Variants in ANKRD30B observed in about 807,000 individuals in gnomAD.
ANKRD30B encodes the protein ankyrin repeat domain 30B.
In ANKRD30B, 144 loss-of-function variants were observed where a neutral mutation model predicts 202.2. The ratio of observed to expected loss-of-function variants is 0.71; its 90% CI spans 0.62 to 0.82. The LOEUF is 0.82. Ranked by LOEUF, ANKRD30B falls within the 40% of genes least tolerant of loss-of-function variation. The pLI, the probability that ANKRD30B is intolerant of heterozygous loss-of-function variation, is 0.00. For synonymous variants in ANKRD30B, 508 were observed against 561.3 expected (o/e 0.91, Z 1.34); for missense variants, 1,487 against 1,669.1 (o/e 0.89, Z 1.90).
chr18:14,898,790 T>A, the ANKRD30B span, among the ~76,000 whole-genome samples: 1 of 152,160 alleles, frequency 6.6e-6, no homozygotes, highest in South Asian at 2.1e-4. Context: ...TGTGAATATA[T>A]CCTCTGAAGC....
the ANKRD30B span, among the ~76,000 whole-genome samples, chr18:14,940,681 T>A: frequency 5.3e-5 from 8 of 152,276 alleles, no homozygotes; most frequent in African/African-American, 1.9e-4. Context: ...GAGAGAAAAC[T>A]CTCCTGACGG....
chr18:14,772,157 C>A lies in ANKRD30B; in HGVS notation c.1258C>A (p.Leu420Ile). The part of the protein sequence containing the change: ...DVSSVEPIFS[L>I]FGTRTIENSQ... ...ATGTTGTATCATTTTTCTTTAAAGT[C>A]TTTTTGGCACACGGACTATTGAAAA... Residue 420 changes from leucine to isoleucine, a missense_variant and splice_region_variant, in exon 9 of 44, where the codon CTT becomes ATT. Coordinates refer to ENST00000690538, the MANE Select transcript of ANKRD30B (RefSeq NM_001367607.2). The A allele has an allele frequency of 6.7e-7, 1 of 1,490,524 alleles. No individual in the cohort carries two copies. Among genetic ancestry groups the A allele is most frequent in the Non-Finnish European group, 9.0e-7 (1 of 1,112,406 alleles). 92.3% of individuals were successfully genotyped at this position (1,490,524 alleles called of 1,614,324 possible). A position where few individuals can be genotyped will look rare whatever the true frequency, so the allele number is the denominator to read the frequency against.
chr18:14,871,997 C>T, the ANKRD30B span, among the ~76,000 whole-genome samples: 3 of 152,096 alleles, frequency 2.0e-5, no homozygotes, highest in Non-Finnish European at 4.4e-5. Context: ...GCCTCTCCCA[C>T]ACACTATTTG....
chr18:14,848,335 C>G (rs1463343320), intron 39 of ANKRD30B, among the ~76,000 whole-genome samples: 2 of 152,130 alleles, frequency 1.3e-5, no homozygotes, highest in Admixed American at 6.6e-5. Flanking sequence ...ATGCCACACA[C>G]TGGCTAAAAT....
At chr18:14,749,622 G>T (rs994523398) in intron 1 of ANKRD30B, among the ~76,000 whole-genome samples, 1 of 130,486 alleles carries the variant, frequency 7.7e-6, no homozygotes, top group Non-Finnish European at 1.6e-5. Flanking sequence ...AGTGAGCCGA[G>T]ATCCCACCAT....
At chr18:14,922,843 A>G in the ANKRD30B span, among the ~76,000 whole-genome samples, 3,032 of 152,216 alleles carry the variant, frequency 0.02, 102 homozygotes, top group African/African-American at 0.069. Context: ...AGATCAGCTC[A>G]CAGCAACAAA....
In ANKRD30B at chr18:14,851,933, T is replaced by A. The variant is rs1971900530; in HGVS notation, c.3989T>A (p.Leu1330Ter). Residue 1330 changes from leucine to a stop codon, truncating the protein, a stop_gained, in exon 42 of 44, where the codon TTG becomes TAG. Coordinates refer to ENST00000690538, the MANE Select transcript of ANKRD30B (RefSeq NM_001367607.2). LOFTEE classifies it high-confidence loss of function. ...LAFHSAGDAP[L>*]QGIMNVDVSN... is the part of the protein sequence containing the mutation. Reference sequence around the variant, plus strand: ...TTCCACAGTGCAGGAGATGCTCCTTTGCAAGGAATAATGAATGTTGATGTG... The same window carrying A: ...TTCCACAGTGCAGGAGATGCTCCTTAGCAAGGAATAATGAATGTTGATGTG... 2 of 1,604,962 alleles carry A rather than the reference T, an allele frequency of 1.2e-6. No homozygotes were observed. Among genetic ancestry groups the A allele is most frequent in the Non-Finnish European group, 1.7e-6 (2 of 1,174,812 alleles).
chr18:14,780,019 G>A lies in ANKRD30B; in HGVS notation c.1480G>A (p.Gly494Arg). 1.9e-6 allele frequency: 3 copies of A among 1,602,646 alleles called. No individual in the cohort carries two copies. The highest frequency in any genetic ancestry group is 2.6e-6 in the Non-Finnish European group (3 of 1,171,984). ...AGATGAAGAATATTCTTGGGATTCT[G>A]GGGTATTGTGTATTATTGCTGTTAT... ...EEDEEYSWDS[G>R]SLFESSAKTQ... Residue 494 changes from glycine (G) to arginine (R), a missense_variant and splice_region_variant, in exon 11 of 44, where the codon GGG (glycine) becomes AGG (arginine). By Grantham distance (125) the Gly-to-Arg change is moderately radical (BLOSUM62 -2). Coordinates refer to ENST00000690538, the MANE Select transcript of ANKRD30B (RefSeq NM_001367607.2).
At chr18:14,856,143 C>T (rs547293785), downstream of ANKRD30B, among the ~76,000 whole-genome samples, 1 of 145,404 alleles carries the variant, frequency 6.9e-6, no homozygotes, top group Non-Finnish European at 1.5e-5. Flanking sequence ...GTGCTCCTCA[C>T]TTCCCAGATG....
At chr18:14,760,412 A>G in intron 5 of ANKRD30B, 142 bp from the exon 6 acceptor site, 1 of 527,518 alleles carries the variant, frequency 1.9e-6, no homozygotes, top group Non-Finnish European at 3.4e-6. Flanking sequence ...TAGAGCTTAC[A>G]AACTTAAAGT....
At chr18:14,789,668 T>C (rs1968330970) in intron 15 of ANKRD30B, among the ~76,000 whole-genome samples, 1 of 152,206 alleles carries the variant, frequency 6.6e-6, no homozygotes, top group Non-Finnish European at 1.5e-5. Flanking sequence ...CATTGCTTGT[T>C]TTTCTCAGGT....
At chr18:14,824,351 T>C (rs1456426925) in intron 32 of ANKRD30B, among the ~76,000 whole-genome samples, 1 of 152,176 alleles carries the variant, frequency 6.6e-6, no homozygotes, top group African/African-American at 2.4e-5. Flanking sequence ...CTGGAATGCA[T>C]TTTAAATATT....
the ANKRD30B span, among the ~76,000 whole-genome samples, chr18:14,860,644 T>A: frequency 6.6e-6 from 1 of 151,144 alleles, no homozygotes; most frequent in African/African-American, 2.4e-5. Flanking sequence ...GCAGAAACCC[T>A]GCAACCTAGA....
At chr18:14,894,381 G>C in the ANKRD30B span, among the ~76,000 whole-genome samples, 1 of 152,008 alleles carries the variant, frequency 6.6e-6, no homozygotes, top group Admixed American at 6.5e-5. Context: ...TAACTTTTCT[G>C]TTTTAAAAAT....
chr18:14,777,674 G>A (rs1456255343), intron 9 of ANKRD30B, among the ~76,000 whole-genome samples: 1 of 151,550 alleles, frequency 6.6e-6, no homozygotes, highest in Non-Finnish European at 1.5e-5. Context: ...TTATTGATGT[G>A]GCTCAAGCCA....
At chr18:14,890,665 A>T in the ANKRD30B span, among the ~76,000 whole-genome samples, 1 of 148,462 alleles carries the variant, frequency 6.7e-6, no homozygotes, top group Admixed American at 6.8e-5. Flanking sequence ...TTATCTTAAA[A>T]ATTATGGCTA....
chr18:14,897,264 T>C, the ANKRD30B span, among the ~76,000 whole-genome samples: 1 of 152,178 alleles, frequency 6.6e-6, no homozygotes, highest in Non-Finnish European at 1.5e-5. Flanking sequence ...TCAAGGGTCT[T>C]GAACCTCCCA....
At chr18:14,937,955 A>G in the ANKRD30B span, among the ~76,000 whole-genome samples, 17 of 152,320 alleles carry the variant, frequency 1.1e-4, no homozygotes, top group South Asian at 3.3e-3. Context: ...CCTCCCATCA[A>G]ACAAGGATAT....
At chr18:14,853,307 T>C (rs570191795) in intron 42 of ANKRD30B, among the ~76,000 whole-genome samples, 4 of 151,940 alleles carry the variant, frequency 2.6e-5, no homozygotes, top group East Asian at 3.9e-4. Context: ...ACAAAAGAAG[T>C]GAGTAGAGGA....
Sources: gnomAD v4.1 joint callset for allele counts (sites outside exome capture counted in the v4.1 genomes callset) on GRCh38, gnomAD v4.1.1 for gene constraint, MANE v1.5 for transcripts, NCBI Gene and HGNC (gene_info 2026-07-23, HGNC 2026-07-21) for gene names.